The following CACNA1A variants were observed in gnomAD, a reference collection of about 807,000 sequenced individuals.
CACNA1A encodes calcium voltage-gated channel subunit alpha1 A, also known as voltage-dependent P/Q-type calcium channel subunit alpha-1A.
In CACNA1A, 57 loss-of-function variants were observed where a neutral mutation model predicts 262.4. That is an observed-to-expected ratio of 0.22 (90% CI 0.18 to 0.27). The LOEUF (loss-of-function observed/expected upper bound fraction) is 0.27. Ranked by LOEUF, CACNA1A falls within the 10% of genes least tolerant of loss-of-function variation. The probability of loss-of-function intolerance (pLI) is 1.00; values close to 1 mark genes in which losing one functional copy is unlikely to be tolerated. For missense variants in CACNA1A, 2,526 were observed against 3,562.8 expected (o/e 0.71, Z 7.41); for synonymous variants, 1,431 against 1,419.3 (o/e 1.01, Z -0.18).
chr19:13,379,084 G>A (rs1193383665), intron 3 of CACNA1A, among the ~76,000 whole-genome samples: 1 of 151,442 alleles, frequency 6.6e-6, no homozygotes, highest in Non-Finnish European at 1.5e-5. Flanking sequence ...AGGCTCAAGT[G>A]AGCCTCCCAC....
At chr19:13,475,207 A>T (rs1250277732) in intron 1 of CACNA1A, among the ~76,000 whole-genome samples, 10 of 152,228 alleles carry the variant, frequency 6.6e-5, no homozygotes, top group Admixed American at 6.5e-4. Flanking sequence ...CAAAATGCAG[A>T]TAATGAGGTA....
chr19:13,371,290 T>C (rs1363764983), intron 4 of CACNA1A: 1 of 174,506 alleles, frequency 5.7e-6, no homozygotes, highest in African/African-American at 2.4e-5. Flanking sequence ...GAGTCACACT[T>C]GCTCACTCCT....
At chr19:13,249,671 T>G (rs1168274166) in intron 30 of CACNA1A, among the ~76,000 whole-genome samples, 1 of 152,032 alleles carries the variant, frequency 6.6e-6, no homozygotes, top group African/African-American at 2.4e-5. Flanking sequence ...ATTTATTGAG[T>G]GCCCATGCCA....
chr19:13,294,487 C>CTTTTTTTTTTTTTTTTTTTTTTTTTTTTT (rs780908964), intron 19 of CACNA1A, among the ~76,000 whole-genome samples: 1 of 72,526 alleles, frequency 1.4e-5, no homozygotes, highest in African/African-American at 6.5e-5. Context: ...CTGTACCTGG[C>CTTTTTTTTTTTTTTTTTTTTTTTTTTTTT]TTTTTTTTTT....
intron 1 of CACNA1A, among the ~76,000 whole-genome samples, chr19:13,504,652 C>T (rs934599061): frequency 1.3e-5 from 2 of 152,156 alleles, no homozygotes; most frequent in South Asian, 2.1e-4. Context: ...CCATCCAGCC[C>T]GTTCATTTTT....
intron 25 of CACNA1A, 66 bp from the exon 26 acceptor site, chr19:13,261,676 G>T: frequency 2.0e-6 from 3 of 1,489,176 alleles, no homozygotes; most frequent in Non-Finnish European, 2.8e-6. Context: ...GCCTCCAGTG[G>T]CCCATCATAC....
At chr19:13,291,879 C>A (rs962119939) in intron 19 of CACNA1A, among the ~76,000 whole-genome samples, 1 of 152,074 alleles carries the variant, frequency 6.6e-6, no homozygotes, top group Non-Finnish European at 1.5e-5. Context: ...CCACTCCCTA[C>A]CCCCATGCAG....
At position 13,212,428 on chromosome 19, in the gene CACNA1A, G is replaced by C; in HGVS notation, c.6145C>G (p.Gln2049Glu). Residue 2049 changes from glutamine (Q) to glutamate (E), a missense_variant, in exon 42 of 47, where the codon CAA (glutamine) becomes GAA (glutamate). This residue lies in a region of CACNA1A where 929 missense variants were observed against 868.1 expected (regional missense o/e 1.07). Transcript: ENST00000360228. The surrounding 1 kb of genome is among the most constrained non-coding windows in gnomAD (Gnocchi z 5.6). ...FQKTGTWSPEQGPPTDMPNSQ... is the reference protein window; with the variant it reads ...FQKTGTWSPEEGPPTDMPNSQ... ...TTGGGCATGTCGGTAGGGGGGCCTT[G>C]TTCCGGACTCCATGTGCCCGTCTTC... 2 of 1,613,070 alleles carry C rather than the reference G, an allele frequency of 1.2e-6. No homozygotes were observed. Among genetic ancestry groups the C allele is most frequent in the Non-Finnish European group, 1.7e-6 (2 of 1,179,546 alleles).
At chr19:13,372,261 C>T (rs761032535) in intron 3 of CACNA1A, among the ~76,000 whole-genome samples, 7 of 152,018 alleles carry the variant, frequency 4.6e-5, no homozygotes, top group Non-Finnish European at 8.8e-5. Context: ...CTCTGCCTCC[C>T]GGGTTCAAGG....
chr19:13,246,282 T>A (rs2056232646), intron 30 of CACNA1A, among the ~76,000 whole-genome samples: 2 of 152,314 alleles, frequency 1.3e-5, no homozygotes, highest in Middle Eastern at 6.8e-3. Context: ...CACACGCACT[T>A]CCTGGTCCCC....
At chr19:13,262,484 GA>G in intron 25 of CACNA1A, 4 of 435,452 alleles carry the variant, frequency 9.2e-6, no homozygotes, top group Non-Finnish European at 1.7e-5. Context: ...TGCGAATTAG[GA>G]AAAAGGATCT....
chr19:13,435,684 T>C (rs2060599063), intron 3 of CACNA1A, among the ~76,000 whole-genome samples: 1 of 152,160 alleles, frequency 6.6e-6, no homozygotes, highest in Non-Finnish European at 1.5e-5. Flanking sequence ...TGGATGAATG[T>C]TGGTGTTTAT....
intron 6 of CACNA1A, among the ~76,000 whole-genome samples, chr19:13,344,810 G>A (rs1473063619): frequency 1.3e-5 from 2 of 151,976 alleles, no homozygotes; most frequent in African/African-American, 4.8e-5. Flanking sequence ...ACTGGAGTGT[G>A]ATGGCACGAT....
chr19:13,314,577 CAG>C (rs532019513), intron 11 of CACNA1A, among the ~76,000 whole-genome samples: 296 of 152,276 alleles, frequency 1.9e-3, no homozygotes, highest in African/African-American at 6.9e-3. Flanking sequence ...ATCTTGGAAG[CAG>C]AGAGTAGCTT....
rs1258806566 is a variant in CACNA1A at position 13,275,832 on chromosome 19, C to G, written c.3989+18G>C. ...TTGGGGGAAAAGAGGCAAGAGGAAC[C>G]CTTGCGAGGAGACTTACGTGAAGGC... On this transcript the variant is annotated intron_variant, in intron 24 of 46. Transcript: ENST00000360228. The G allele has an allele frequency of 6.6e-7, 1 of 1,524,762 alleles. No individual in the cohort carries two copies. The highest frequency in any genetic ancestry group is 2.2e-5 in the East Asian group (1 of 44,476). The allele number at this position is 1,524,762 out of a possible 1,614,324, so 94.5% of individuals were successfully genotyped here. A position where few individuals can be genotyped will look rare whatever the true frequency, so the allele number is the denominator to read the frequency against.
intron 1 of CACNA1A, among the ~76,000 whole-genome samples, chr19:13,481,011 G>A (rs1371649782): frequency 6.6e-6 from 1 of 152,134 alleles, no homozygotes; most frequent in Admixed American, 6.5e-5. Context: ...CTTGAGGGGT[G>A]CAAGACCTCA....
chr19:13,339,499 C>T (rs2058639245), intron 6 of CACNA1A, among the ~76,000 whole-genome samples: 1 of 152,062 alleles, frequency 6.6e-6, no homozygotes. Context: ...TTTCACGAAA[C>T]TGTATCCTTA....
At chr19:13,386,191 A>G (rs1340126867) in intron 3 of CACNA1A, among the ~76,000 whole-genome samples, 2 of 151,498 alleles carry the variant, frequency 1.3e-5, no homozygotes, top group Non-Finnish European at 2.9e-5. Context: ...TGGAAGACAC[A>G]GTTGTCCATC....
intron 35 of CACNA1A, 90 bp downstream of exon 35, chr19:13,231,620 G>C: frequency 2.2e-6 from 3 of 1,369,210 alleles, no homozygotes; most frequent in Non-Finnish European, 3.0e-6. Context: ...ACAAGCCTTC[G>C]ACACAGCCAC....
Sources: gnomAD v4.1 joint callset for allele counts (sites outside exome capture counted in the v4.1 genomes callset) on GRCh38, gnomAD v4.1.1 for gene constraint, gnomAD v4.1.1 regional missense constraint, Gnocchi (gnomAD v3.1) non-coding constraint, MANE v1.5 for transcripts, NCBI Gene and HGNC (gene_info 2026-07-23, HGNC 2026-07-21) for gene names.